The following BCAT1 variants were observed in gnomAD, a reference collection of about 807,000 sequenced individuals.
BCAT1 encodes the protein branched chain amino acid transaminase 1.
Under a neutral mutation model 52.4 loss-of-function variants are expected in BCAT1, and 48 were observed. That is an observed-to-expected ratio of 0.92 (90% CI 0.73 to 1.16). The LOEUF is 1.16. Ranked by LOEUF, BCAT1 falls within the 50% of genes most tolerant of loss-of-function variation. The probability of loss-of-function intolerance (pLI) is 0.00; values close to 1 mark genes in which losing one functional copy is unlikely to be tolerated. For missense variants in BCAT1, 451 were observed against 457.1 expected (o/e 0.99, Z 0.12); for synonymous variants, 167 against 161.3 (o/e 1.04, Z -0.27).
At chr12:24,903,098 G>T (rs926515622) in intron 1 of BCAT1, 4 of 1,356,134 alleles carry the variant, frequency 2.9e-6, no homozygotes, top group Non-Finnish European at 3.8e-6. Context: ...CCCATAGGGC[G>T]CTGGGTACCA....
At chr12:24,931,788 G>A (rs915112740) in intron 1 of BCAT1, among the ~76,000 whole-genome samples, 8 of 152,264 alleles carry the variant, frequency 5.3e-5, no homozygotes, top group East Asian at 3.9e-4. Context: ...TAGAGCATAC[G>A]TGCAACACAA....
chr12:24,841,728 C>T (rs554953180), intron 7 of BCAT1, among the ~76,000 whole-genome samples: 1 of 151,826 alleles, frequency 6.6e-6, no homozygotes, highest in African/African-American at 2.4e-5. Flanking sequence ...CATGGTGAAA[C>T]CCTATCTCTA....
intron 3 of BCAT1, among the ~76,000 whole-genome samples, chr12:24,882,004 A>G (rs1329086126): frequency 6.6e-6 from 1 of 152,244 alleles, no homozygotes. Context: ...TTCAGTAGAT[A>G]CATACTGATA....
At chr12:24,865,745 G>A (rs574582332) in intron 5 of BCAT1, among the ~76,000 whole-genome samples, 46 of 152,040 alleles carry the variant, frequency 3.0e-4, no homozygotes, top group African/African-American at 9.9e-4. Context: ...CATTATAACC[G>A]TTGTTATCAA....
At chr12:24,848,508 C>T (rs1941410202) in intron 6 of BCAT1, among the ~76,000 whole-genome samples, 1 of 152,196 alleles carries the variant, frequency 6.6e-6, no homozygotes, top group Non-Finnish European at 1.5e-5. Context: ...CCTGCAATTT[C>T]TGTGTCCCCA....
At chr12:24,864,291 T>G (rs1941940445) in intron 5 of BCAT1, among the ~76,000 whole-genome samples, 1 of 152,154 alleles carries the variant, frequency 6.6e-6, no homozygotes, top group Non-Finnish European at 1.5e-5. Context: ...CTCAGTTGAC[T>G]AGGCCTCCCA....
At chr12:24,904,744 C>G (rs1348667478) in intron 1 of BCAT1, 1 of 152,188 alleles carries the variant, frequency 6.6e-6, no homozygotes, top group Non-Finnish European at 1.5e-5. Context: ...GTGTATCTAT[C>G]CACCATGTTC....
At chr12:24,889,073 C>T (rs1942765684) in intron 3 of BCAT1, among the ~76,000 whole-genome samples, 1 of 152,186 alleles carries the variant, frequency 6.6e-6, no homozygotes, top group Non-Finnish European at 1.5e-5. Context: ...GTAAATCAGA[C>T]ACTTCCTCCT....
At chr12:24,892,058 T>TG (rs1491164547) in intron 3 of BCAT1, among the ~76,000 whole-genome samples, 58 of 149,026 alleles carry the variant, frequency 3.9e-4, no homozygotes, top group African/African-American at 1.2e-3. Flanking sequence ...CGCCTGGCCG[T>TG]TTTTTGTTTT....
chr12:24,946,659 CTA>C (rs1056306071), intron 1 of BCAT1, among the ~76,000 whole-genome samples: 12 of 152,158 alleles, frequency 7.9e-5, no homozygotes, highest in African/African-American at 2.9e-4. Context: ...TCTCACACTC[CTA>C]TCTCTCTGGG....
intron 3 of BCAT1, among the ~76,000 whole-genome samples, chr12:24,882,310 T>C (rs1413660253): frequency 6.6e-6 from 1 of 151,482 alleles, no homozygotes; most frequent in Non-Finnish European, 1.5e-5. Context: ...AGAAGAAAAA[T>C]GGAAATTAGA....
intron 6 of BCAT1, among the ~76,000 whole-genome samples, chr12:24,845,957 G>C (rs1164677830): frequency 3.3e-5 from 5 of 152,176 alleles, no homozygotes; most frequent in African/African-American, 1.2e-4. Flanking sequence ...CTACGAAGTA[G>C]TGAAGCAGTG....
intron 3 of BCAT1, among the ~76,000 whole-genome samples, chr12:24,885,248 T>C (rs1441495926): frequency 6.6e-6 from 1 of 152,214 alleles, no homozygotes; most frequent in Non-Finnish European, 1.5e-5. Flanking sequence ...TGCAAAATTA[T>C]ATTCCTATGT....
At chr12:24,833,454 G>A (rs1940775268) in intron 8 of BCAT1, among the ~76,000 whole-genome samples, 1 of 152,154 alleles carries the variant, frequency 6.6e-6, no homozygotes, top group Non-Finnish European at 1.5e-5. Context: ...AGGAGGCAGA[G>A]GTTGCAGTGA....
At chr12:24,831,892 A>G (rs1460081130) in intron 9 of BCAT1, among the ~76,000 whole-genome samples, 1 of 151,800 alleles carries the variant, frequency 6.6e-6, no homozygotes. Flanking sequence ...AAAGTATGGC[A>G]CATATAAAAT....
At chr12:24,903,023 G>C (rs528595785) in intron 1 of BCAT1, 2 of 1,421,826 alleles carry the variant, frequency 1.4e-6, no homozygotes, top group South Asian at 2.9e-5. Flanking sequence ...TGCAGAGAGC[G>C]GCAGTGGCAC....
intron 3 of BCAT1, among the ~76,000 whole-genome samples, chr12:24,890,784 CCT>C (rs1296374396): frequency 2.0e-5 from 3 of 152,208 alleles, no homozygotes; most frequent in African/African-American, 7.2e-5. Context: ...CCTCGGAGCT[CCT>C]CTGTCTACGG....
chr12:24,829,420 T>C (rs1940551934), intron 10 of BCAT1, among the ~76,000 whole-genome samples: 3 of 152,164 alleles, frequency 2.0e-5, no homozygotes, highest in African/African-American at 7.2e-5. Flanking sequence ...ACAGTGATTA[T>C]ATCTCAGTGT....
intron 2 of BCAT1, among the ~76,000 whole-genome samples, chr12:24,899,835 TA>T (rs34780543): frequency 0.26 from 38,556 of 146,450 alleles, 5,282 homozygotes; most frequent in Middle Eastern, 0.43. Context: ...ACGTGAGAGC[TA>T]AAAAAAAAAG....
Sources: gnomAD v4.1 joint callset for allele counts (sites outside exome capture counted in the v4.1 genomes callset) on GRCh38, gnomAD v4.1.1 for gene constraint, MANE v1.5 for transcripts, NCBI Gene and HGNC (gene_info 2026-07-23, HGNC 2026-07-21) for gene names.